Variants in CLVS1 observed in about 807,000 individuals in gnomAD.
The protein encoded by CLVS1 is clavesin 1.
In CLVS1, 10 loss-of-function variants were observed where a neutral mutation model predicts 33.1. That is an observed-to-expected ratio of 0.30 (90% confidence interval 0.19 to 0.51). CLVS1 has a LOEUF of 0.51. CLVS1 is among the 20% of genes least tolerant of loss of function. The pLI is 0.97. For missense variants in CLVS1, 343 were observed against 433.4 expected, an observed-to-expected ratio of 0.79 and a Z score of 1.85; for synonymous variants, 163 against 166.1, an observed-to-expected ratio of 0.98 and a Z score of 0.14.
intron 1 of CLVS1, among the ~76,000 whole-genome samples, chr8:61,070,886 G>A (rs749679634): frequency 4.2e-4 from 64 of 152,320 alleles, no homozygotes; most frequent in South Asian, 1.2e-3. Context: ...GCACCTATGA[G>A]TCTCAAACAG....
At chr8:61,265,418 A>G (rs1350736461) in intron 2 of CLVS1, among the ~76,000 whole-genome samples, 2 of 152,150 alleles carry the variant, frequency 1.3e-5, no homozygotes, top group African/African-American at 4.8e-5. Context: ...CATAATCTAT[A>G]TCTCCATTTT....
chr8:61,473,017 A>G (rs1214971791), intron 5 of CLVS1, among the ~76,000 whole-genome samples: 1 of 152,190 alleles, frequency 6.6e-6, no homozygotes, highest in African/African-American at 2.4e-5. Context: ...CATGGTCACC[A>G]TAAGTGCTTT....
chr8:61,425,622 C>A (rs1563547961), intron 3 of CLVS1, among the ~76,000 whole-genome samples: 1 of 152,202 alleles, frequency 6.6e-6, no homozygotes, highest in East Asian at 1.9e-4. Flanking sequence ...CTCCCCTCCC[C>A]TAGCCCCATT....
chr8:61,270,260 T>A (rs1295054852), intron 2 of CLVS1, among the ~76,000 whole-genome samples: 1 of 152,232 alleles, frequency 6.6e-6, no homozygotes, highest in African/African-American at 2.4e-5. Flanking sequence ...TTTCTGCATC[T>A]ATTGAGATAA....
intron 2 of CLVS1, among the ~76,000 whole-genome samples, chr8:61,199,039 G>A (rs1336967635): frequency 6.6e-6 from 1 of 152,120 alleles, no homozygotes; most frequent in African/African-American, 2.4e-5. Context: ...TCATATGCAA[G>A]GGTCTTTTTG....
intron 3 of CLVS1, among the ~76,000 whole-genome samples, chr8:61,431,906 G>A (rs188887927): frequency 2.9e-4 from 44 of 152,310 alleles, no homozygotes; most frequent in Non-Finnish European, 8.8e-5. Context: ...CTGTGTGCCA[G>A]GTTCTGTATT....
chr8:61,280,293 G>C (rs879850019), intron 2 of CLVS1, among the ~76,000 whole-genome samples: 5 of 152,198 alleles, frequency 3.3e-5, no homozygotes, highest in Admixed American at 1.3e-4. Context: ...ATGAGAAGAA[G>C]AGAAAAAGAA....
At chr8:61,404,787 T>A (rs1156639370) in intron 3 of CLVS1, among the ~76,000 whole-genome samples, 1 of 152,170 alleles carries the variant, frequency 6.6e-6, no homozygotes, top group Admixed American at 6.5e-5. Flanking sequence ...TATAAGAACT[T>A]CAGGAATTTG....
At chr8:61,161,220 T>G (rs1039252739) in intron 2 of CLVS1, among the ~76,000 whole-genome samples, 39 of 152,070 alleles carry the variant, frequency 2.6e-4, no homozygotes, top group African/African-American at 9.2e-4. Flanking sequence ...TTGTACACAG[T>G]TGGTATGTAA....
intron 2 of CLVS1, among the ~76,000 whole-genome samples, chr8:61,233,984 G>C (rs918222474): frequency 2.6e-5 from 4 of 152,244 alleles, no homozygotes; most frequent in Non-Finnish European, 4.4e-5. Flanking sequence ...CCCTCAAAGA[G>C]AGAGGAAATG....
intron 1 of CLVS1, among the ~76,000 whole-genome samples, chr8:61,119,089 G>C (rs970235814): frequency 1.3e-5 from 2 of 152,318 alleles, no homozygotes; most frequent in Non-Finnish European, 2.9e-5. Context: ...AGGATAGTTA[G>C]CTCTTCTTGT....
chr8:61,312,845 A>G (rs140597989), intron 2 of CLVS1, among the ~76,000 whole-genome samples: 54 of 152,326 alleles, frequency 3.5e-4, no homozygotes, highest in African/African-American at 1.3e-3. Context: ...GCCTGCTGTC[A>G]GGGATTGTGC....
Position 61,458,203 on chromosome 8 carries a change from C to T in CLVS1, c.742-104C>T, listed in dbSNP as rs1817236097. ...ATGCCTCTTTAAACACTGTGATCAC[C>T]AGCAGTGCATCCAATTTGTCATGGC... On this transcript the variant is annotated intron_variant, in intron 4 of 5. Coordinates refer to ENST00000325897, the MANE Select transcript of CLVS1 (RefSeq NM_173519.3). 1.8e-5 allele frequency: 14 copies of T among 766,154 alleles called. No homozygotes were observed. The South Asian group carries it at 2.2e-4, about 12-fold the overall frequency. The allele number at this position is 766,154 out of a possible 1,614,324, so 47.5% of individuals were successfully genotyped here. A position where few individuals can be genotyped will look rare whatever the true frequency, so the allele number is the denominator to read the frequency against.
intron 3 of CLVS1, among the ~76,000 whole-genome samples, chr8:61,415,596 C>T (rs532677622): frequency 6.6e-6 from 1 of 152,316 alleles, no homozygotes; most frequent in Non-Finnish European, 1.5e-5. Flanking sequence ...TGGGCAACTG[C>T]TCATGGGATC....
chr8:61,115,518 C>A (rs375421463), intron 1 of CLVS1, among the ~76,000 whole-genome samples: 32 of 151,818 alleles, frequency 2.1e-4, no homozygotes, highest in African/African-American at 7.8e-4. Flanking sequence ...CCATGCTATC[C>A]CTCCCCACTC....
At chr8:61,351,500 G>C (rs1259536111) in intron 2 of CLVS1, among the ~76,000 whole-genome samples, 1 of 152,126 alleles carries the variant, frequency 6.6e-6, no homozygotes, top group Non-Finnish European at 1.5e-5. Flanking sequence ...AGAGGGAAAA[G>C]AGGGAGTGGA....
chr8:61,329,794 A>G (rs535195146), intron 2 of CLVS1, among the ~76,000 whole-genome samples: 2 of 152,340 alleles, frequency 1.3e-5, no homozygotes, highest in Admixed American at 6.5e-5. Context: ...GTAAAAACCT[A>G]TGATGACATT....
intron 3 of CLVS1, among the ~76,000 whole-genome samples, chr8:61,421,128 A>T (rs895117164): frequency 1.5e-4 from 23 of 152,176 alleles, no homozygotes; most frequent in Non-Finnish European, 2.6e-4. Flanking sequence ...TGGTTGGGAT[A>T]AAAGTTCCAT....
intron 1 of CLVS1, among the ~76,000 whole-genome samples, chr8:61,090,586 T>C (rs1055532037): frequency 5.9e-5 from 9 of 152,308 alleles, no homozygotes; most frequent in African/African-American, 1.9e-4. Flanking sequence ...CAGAGAATCA[T>C]TCCCAGGCCC....
Sources: gnomAD v4.1 joint callset for allele counts (sites outside exome capture counted in the v4.1 genomes callset) on GRCh38, gnomAD v4.1.1 for gene constraint, MANE v1.5 for transcripts, NCBI Gene and HGNC (gene_info 2026-07-23, HGNC 2026-07-21) for gene names.